Variants in SEMA6D observed in about 807,000 individuals in gnomAD.
SEMA6D encodes semaphorin 6D, also known as semaphorin-6D.
Under a neutral mutation model 106.6 loss-of-function variants are expected in SEMA6D, and 35 were observed. The observed-to-expected ratio is 0.33, with a 90% CI of 0.25 to 0.44. The LOEUF is 0.44. Among genes scored for constraint, SEMA6D ranks in the 20% least tolerant of loss-of-function variants. SEMA6D has a pLI of 1.00. For missense variants in SEMA6D, 1,185 were observed against 1,345.9 expected (o/e 0.88, Z 1.87); for synonymous variants, 499 against 487.7 (o/e 1.02, Z -0.31).
chr15:47,546,652 T>G (rs937260689), intron 3 of SEMA6D, among the ~76,000 whole-genome samples: 11 of 151,688 alleles, frequency 7.3e-5, no homozygotes, highest in African/African-American at 2.7e-4. Flanking sequence ...CCCTAACCTT[T>G]TGCATTTAGG....
chr15:47,345,973 A>T (rs1018425409), intron 1 of SEMA6D, among the ~76,000 whole-genome samples: 1 of 152,130 alleles, frequency 6.6e-6, no homozygotes, highest in African/African-American at 2.4e-5. Context: ...CCATTTTATT[A>T]TGTCAATTAT....
intron 3 of SEMA6D, among the ~76,000 whole-genome samples, chr15:47,520,984 T>G (rs2044553990): frequency 6.6e-6 from 1 of 152,188 alleles, no homozygotes; most frequent in Non-Finnish European, 1.5e-5. Flanking sequence ...ACAGTCTAGA[T>G]GTGTCTGAAG....
chr15:47,736,555 C>T (rs1490474937), intron 1 of SEMA6D, among the ~76,000 whole-genome samples: 4 of 152,116 alleles, frequency 2.6e-5, no homozygotes, highest in Non-Finnish European at 5.9e-5. Flanking sequence ...CTTAGTTTGT[C>T]GCTTATTTGG....
At position 47,761,437 on chromosome 15, in the gene SEMA6D, T is replaced by C; in HGVS notation, c.447+6T>C. 1 of 1,588,382 alleles carries C rather than the reference T, an allele frequency of 6.3e-7. No homozygotes were observed. The highest frequency in any genetic ancestry group is 1.1e-5 in the South Asian group (1 of 87,930). On this transcript the variant is annotated splice_donor_region_variant and intron_variant, in intron 6 of 18. Transcript: ENST00000536845. ...CCATGTGTAGATACTACAGGGTAAG[T>C]ATATTTTATGTGATATGCTTCTTTT...
In SEMA6D at chr15:47,697,781, C is replaced by A. The variant is rs931915690; in HGVS notation, c.-54-61964C>A. ...GTTTCCATCTCAACCTGCGCCCCCA[C>A]TTCCCCCCGCCTTAGGCGAAGGGCT... On this transcript the variant is annotated intron_variant, in intron 4 of 19. Coordinates refer to the SEMA6D transcript ENST00000558014. Among the ~76,000 whole-genome samples the A allele has an allele frequency of 3.3e-5, 5 of 152,356 alleles. No homozygotes were observed. The South Asian group carries it at 1.0e-3, about 32-fold the overall frequency.
rs181425342 is a variant in SEMA6D at position 47,560,847 on chromosome 15, T to C, written c.-86-40018T>C. On this transcript the variant is annotated intron_variant, in intron 3 of 19. Transcript: ENST00000558014. Reference sequence around the variant, plus strand: ...CCTGTGTAGAAGAAAGATTATGTGATGATGCAGAGAAGGCAAAGATTGCCT... The same window carrying C: ...CCTGTGTAGAAGAAAGATTATGTGACGATGCAGAGAAGGCAAAGATTGCCT... Among the ~76,000 whole-genome samples, 7 of 152,138 alleles carry C rather than the reference T, an allele frequency of 4.6e-5. No homozygotes were observed. The East Asian group carries it at 9.7e-4, about 21-fold the overall frequency.
At chr15:47,368,786 A>G (rs1277645793) in intron 1 of SEMA6D, among the ~76,000 whole-genome samples, 1 of 152,222 alleles carries the variant, frequency 6.6e-6, no homozygotes, top group African/African-American at 2.4e-5. Context: ...AGAATTGGAG[A>G]GTCATCTGAT....
intron 3 of SEMA6D, among the ~76,000 whole-genome samples, chr15:47,527,011 A>G (rs909374684): frequency 2.0e-5 from 3 of 152,184 alleles, no homozygotes; most frequent in African/African-American, 7.2e-5. Context: ...TGCTGGGGTT[A>G]CAGGCGTGAG....
chr15:47,588,011 AAC>A (rs1257523341), intron 3 of SEMA6D, among the ~76,000 whole-genome samples: 2 of 152,178 alleles, frequency 1.3e-5, no homozygotes, highest in Non-Finnish European at 2.9e-5. Context: ...TCTACAGGAA[AAC>A]ACAGAGGAAA....
intron 1 of SEMA6D, among the ~76,000 whole-genome samples, chr15:47,226,872 T>C (rs1055254466): frequency 5.3e-5 from 8 of 152,106 alleles, no homozygotes; most frequent in Non-Finnish European, 1.0e-4. Context: ...TTGGTTCACA[T>C]CAGATATTAC....
At chr15:47,306,852 G>C (rs1223418451) in intron 1 of SEMA6D, among the ~76,000 whole-genome samples, 1 of 152,170 alleles carries the variant, frequency 6.6e-6, no homozygotes, top group African/African-American at 2.4e-5. Flanking sequence ...ATTTTTAGAA[G>C]ATATGCAACT....
intron 1 of SEMA6D, among the ~76,000 whole-genome samples, chr15:47,270,716 G>T (rs908008012): frequency 6.6e-6 from 1 of 152,126 alleles, no homozygotes; most frequent in Non-Finnish European, 1.5e-5. Flanking sequence ...ATTACAGGCC[G>T]AACGCGGTGG....
chr15:47,538,838 G>A (rs996305785), intron 3 of SEMA6D, among the ~76,000 whole-genome samples: 1 of 152,068 alleles, frequency 6.6e-6, no homozygotes, highest in Non-Finnish European at 1.5e-5. Context: ...ATTAACTTTA[G>A]AAAATTTGGT....
At chr15:47,348,714 CACACCACACACACAG>C (rs2038161318) in intron 1 of SEMA6D, among the ~76,000 whole-genome samples, 1 of 93,354 alleles carries the variant, frequency 1.1e-5, no homozygotes, top group African/African-American at 6.0e-5. Context: ...CACACACACA[CACACCACACACACAG>C]AGAGAGAGAG....
intron 3 of SEMA6D, among the ~76,000 whole-genome samples, chr15:47,535,116 A>G (rs1195275858): frequency 6.7e-6 from 1 of 148,290 alleles, no homozygotes; most frequent in Non-Finnish European, 1.5e-5. Flanking sequence ...AACACAAAAA[A>G]ACACAAAAAA....
At chr15:47,766,260 C>A in intron 15 of SEMA6D, 78 bp downstream of exon 15, 1 of 1,241,570 alleles carries the variant, frequency 8.1e-7, no homozygotes, top group Non-Finnish European at 1.1e-6. Context: ...CAGAAAACTT[C>A]CAATTATACT....
chr15:47,740,594 C>A (rs1315190306), intron 1 of SEMA6D, among the ~76,000 whole-genome samples: 1 of 152,134 alleles, frequency 6.6e-6, no homozygotes, highest in African/African-American at 2.4e-5. Flanking sequence ...ATATAGTTTT[C>A]TCTCATATCC....
chr15:47,588,812 G>C (rs4775700), intron 3 of SEMA6D, among the ~76,000 whole-genome samples: 63,971 of 152,004 alleles, frequency 0.42, 14,994 homozygotes, highest in South Asian at 0.53. Flanking sequence ...GCAAAGAGCC[G>C]AAGAGAGGGT....
chr15:47,676,478 A>T (rs1045208631), intron 4 of SEMA6D, among the ~76,000 whole-genome samples: 1 of 152,216 alleles, frequency 6.6e-6, no homozygotes, highest in Non-Finnish European at 1.5e-5. Context: ...TTGGTCAACA[A>T]TTAGTGCCAT....
Sources: allele counts gnomAD v4.1 joint callset (sites outside exome capture counted in the v4.1 genomes callset), GRCh38; gene constraint gnomAD v4.1.1; transcripts MANE v1.5; gene names NCBI Gene and HGNC (gene_info 2026-07-23, HGNC 2026-07-21).